The following NFATC1 variants were observed in gnomAD, a reference collection of about 807,000 sequenced individuals.
NFATC1 encodes nuclear factor of activated T-cells, cytoplasmic 1.
Under a neutral mutation model 76.0 loss-of-function variants are expected in NFATC1, and 22 were observed. That is an observed-to-expected ratio of 0.29 (90% CI 0.21 to 0.41). The LOEUF (loss-of-function observed/expected upper bound fraction) is 0.41. Among genes scored for constraint, NFATC1 ranks in the 10% least tolerant of loss-of-function variants. The pLI is 1.00. For synonymous variants in NFATC1, 704 were observed against 613.1 expected (o/e 1.15, Z -2.19); for missense variants, 1,357 against 1,337.7 (o/e 1.01, Z -0.23).
intron 8 of NFATC1, among the ~76,000 whole-genome samples, chr18:79,484,516 G>A (rs546504604): frequency 9.9e-5 from 15 of 151,856 alleles, no homozygotes; most frequent in African/African-American, 3.1e-4. Flanking sequence ...CAGGGCGGAC[G>A]CTTTAAACCT....
In NFATC1 at chr18:79,454,283, C is replaced by T. The variant is rs1405522198; in HGVS notation, c.1903+2467C>T. 2.6e-5 allele frequency among the ~76,000 whole-genome samples: 4 copies of T among 152,362 alleles called. No homozygotes were observed. The East Asian group carries it at 5.8e-4, about 22-fold the overall frequency. On this transcript the variant is annotated intron_variant, in intron 6 of 9. Transcript: ENST00000427363. The stretch of plus-strand genomic sequence containing the variant: ...CAGGCCAGGGTCGGCTCCACCCTGT[C>T]CTTCTCTGGAGTACGTAGGAAGCTC...
At chr18:79,401,038 A>G (rs1444892769) in intron 1 of NFATC1, among the ~76,000 whole-genome samples, 1 of 87,264 alleles carries the variant, frequency 1.1e-5, no homozygotes, top group Non-Finnish European at 2.1e-5. Flanking sequence ...CCATGACCCC[A>G]GCCTTTTCTT....
At chr18:79,407,354 G>A (rs1010069073) in intron 1 of NFATC1, among the ~76,000 whole-genome samples, 28 of 152,354 alleles carry the variant, frequency 1.8e-4, no homozygotes, top group African/African-American at 6.5e-4. Context: ...CCAGAGGCCA[G>A]GCTGGAGGCT....
chr18:79,513,699 C>G (rs1046811469), intron 9 of NFATC1, among the ~76,000 whole-genome samples: 1 of 152,248 alleles, frequency 6.6e-6, no homozygotes, highest in African/African-American at 2.4e-5. Flanking sequence ...CCCTCTGACC[C>G]AGGGCTCCCC....
intron 1 of NFATC1, among the ~76,000 whole-genome samples, chr18:79,397,294 A>G (rs2085040744): frequency 6.6e-6 from 1 of 152,258 alleles, no homozygotes; most frequent in Admixed American, 6.5e-5. Flanking sequence ...CAGCTCTGAA[A>G]TATTTTATAT....
intron 6 of NFATC1, among the ~76,000 whole-genome samples, chr18:79,452,332 G>A (rs1296823918): frequency 2.0e-5 from 3 of 152,206 alleles, no homozygotes; most frequent in Non-Finnish European, 2.9e-5. Context: ...AGGCTCTTGT[G>A]CCCCAAGGGC....
chr18:79,511,666 C>T (rs760280813), intron 9 of NFATC1, among the ~76,000 whole-genome samples: 4 of 152,146 alleles, frequency 2.6e-5, no homozygotes, highest in Non-Finnish European at 5.9e-5. Flanking sequence ...GCTCCTGAGG[C>T]AGTCAGGGCC....
At position 79,527,619 on chromosome 18, in the gene NFATC1, T is replaced by C; in HGVS notation, c.*42T>C. 1 of 1,566,308 alleles carries C rather than the reference T, an allele frequency of 6.4e-7. No individual in the cohort carries two copies. Among genetic ancestry groups the C allele is most frequent in the Non-Finnish European group, 8.8e-7 (1 of 1,137,708 alleles). On this transcript the variant is annotated 3_prime_UTR_variant, in exon 10 of 10. Transcript: ENST00000427363. ...CTCAGTTCAGCAGGGGTATGCTGAC[T>C]TCAGCAGACAAAGACTTTTGAATAA...
At chr18:79,506,397 C>T (rs1425498453) in intron 9 of NFATC1, among the ~76,000 whole-genome samples, 1 of 152,238 alleles carries the variant, frequency 6.6e-6, no homozygotes, top group Non-Finnish European at 1.5e-5. Flanking sequence ...AGGCCTCTCC[C>T]AGGGACCCTC....
intron 1 of NFATC1, among the ~76,000 whole-genome samples, chr18:79,406,673 T>G (rs1477418285): frequency 6.6e-6 from 1 of 152,154 alleles, no homozygotes. Flanking sequence ...GGACAACTTT[T>G]GGTGAGAATG....
intron 3 of NFATC1, among the ~76,000 whole-genome samples, chr18:79,434,647 C>T (rs191161575): frequency 6.6e-6 from 1 of 152,386 alleles, no homozygotes; most frequent in East Asian, 1.9e-4. Flanking sequence ...CAGCAAAAAA[C>T]CGGGTGCCCC....
In NFATC1 at chr18:79,411,377, C is replaced by G; in HGVS notation, c.1102C>G (p.Pro368Ala). ...GSPPPPADFA[P>A]EDYSSFQHIR... ...CCCCCCGCCCCCGGCCGACTTCGCGCCCGAAGACTACTCCTCTTTCCAGCA... is the reference window on the plus strand; with the variant it reads ...CCCCCCGCCCCCGGCCGACTTCGCGGCCGAAGACTACTCCTCTTTCCAGCA... Residue 368 changes from proline to alanine, a missense_variant, in exon 2 of 10, where the codon CCC becomes GCC. Transcript: ENST00000427363. The G allele has an allele frequency of 6.3e-7, 1 of 1,585,008 alleles. No individual in the cohort carries two copies. Among genetic ancestry groups the G allele is most frequent in the Non-Finnish European group, 8.6e-7 (1 of 1,167,876 alleles).
chr18:79,407,888 G>A (rs758494914), intron 1 of NFATC1, among the ~76,000 whole-genome samples: 17 of 152,340 alleles, frequency 1.1e-4, no homozygotes, highest in Admixed American at 2.0e-4. Flanking sequence ...CAGCCTCAGC[G>A]GAGGGGCCCT....
intron 2 of NFATC1, among the ~76,000 whole-genome samples, chr18:79,418,653 A>G (rs1322507992): frequency 6.6e-6 from 1 of 152,206 alleles, no homozygotes; most frequent in African/African-American, 2.4e-5. Context: ...CTCAGAGTTG[A>G]GAAGATCATG....
intron 8 of NFATC1, among the ~76,000 whole-genome samples, chr18:79,471,109 G>A (rs899816261): frequency 3.9e-5 from 6 of 152,186 alleles, no homozygotes; most frequent in East Asian, 3.8e-4. Flanking sequence ...CTTCCTGAGC[G>A]GCTTGTCTGT....
chr18:79,410,322 GC>G lies in NFATC1; in HGVS notation c.128-80del. On this transcript the variant is annotated intron_variant, in intron 1 of 9. Coordinates refer to ENST00000427363, the MANE Select transcript of NFATC1 (RefSeq NM_001278669.2). The surrounding 1 kb of genome is among the most constrained non-coding windows in gnomAD (Gnocchi z 6.7). ...GGTCCGTTGGTCGAGGCCGGGGGTT[GC>G]TGGCCGGCCCTGAGTTCATGGGTTT... 1.3e-6 allele frequency: 2 copies of G among 1,523,622 alleles called. No individual in the cohort carries two copies. Among genetic ancestry groups the G allele is most frequent in the Non-Finnish European group, 1.8e-6 (2 of 1,140,932 alleles). The allele number at this position is 1,523,622 out of a possible 1,614,324, so 94.4% of individuals were successfully genotyped here. A position where few individuals can be genotyped will look rare whatever the true frequency, so the allele number is the denominator to read the frequency against.
At chr18:79,400,431 C>T (rs1418065895) in intron 1 of NFATC1, 5 of 1,496,052 alleles carry the variant, frequency 3.3e-6, no homozygotes, top group African/African-American at 1.5e-5. Context: ...CTTCGAGTTC[C>T]TCTTCGAGTT....
intron 9 of NFATC1, chr18:79,498,348 T>A (rs1365969577): frequency 4.3e-5 from 6 of 139,574 alleles, no homozygotes; most frequent in Admixed American, 1.4e-4. Context: ...TAATGAGATT[T>A]TTAAAAAAAA....
chr18:79,492,718 A>T (rs1288369542), intron 9 of NFATC1, among the ~76,000 whole-genome samples: 2 of 150,474 alleles, frequency 1.3e-5, no homozygotes, highest in Non-Finnish European at 3.0e-5. Flanking sequence ...CAAAAAAAAA[A>T]AAAAGATTAG....
Sources: allele counts gnomAD v4.1 joint callset (sites outside exome capture counted in the v4.1 genomes callset), GRCh38; gene constraint gnomAD v4.1.1; non-coding constraint Gnocchi (gnomAD v3.1); transcripts MANE v1.5; gene names NCBI Gene and HGNC (gene_info 2026-07-23, HGNC 2026-07-21).